Variants in R3HDM1 observed in about 807,000 individuals in gnomAD.
R3HDM1 encodes R3H domain containing 1, also known as R3H domain-containing protein 1.
In R3HDM1, 46 loss-of-function variants were observed where a neutral mutation model predicts 141.1. That is an observed-to-expected ratio of 0.33 (90% CI 0.26 to 0.42). R3HDM1 has a LOEUF of 0.42. Among genes scored for constraint, R3HDM1 ranks in the 10% least tolerant of loss-of-function variants. R3HDM1 has a pLI of 1.00. For synonymous variants in R3HDM1, 435 were observed against 472.9 expected, an observed-to-expected ratio of 0.92 and a Z score of 1.04; for missense variants, 1,184 against 1,368.3, an observed-to-expected ratio of 0.87 and a Z score of 2.12.
intron 1 of R3HDM1, among the ~76,000 whole-genome samples, chr2:135,601,465 A>G (rs1451768808): frequency 6.6e-6 from 1 of 152,122 alleles, no homozygotes; most frequent in African/African-American, 2.4e-5. Flanking sequence ...TGGTGCTTAG[A>G]TCTCATTATA....
Position 135,636,193 on chromosome 2 carries a change from A to T in R3HDM1, c.903+10A>T, listed in dbSNP as rs369236769. ...AATATTTTCCCAAGATGTACGTACT[A>T]ACTTACTTAGGTCTTCATGTTAGAG... On this transcript the variant is annotated intron_variant, in intron 11 of 26. Transcript: ENST00000683871. The T allele has an allele frequency of 5.3e-5, 85 of 1,610,324 alleles. No homozygotes were observed. In the Middle Eastern group the frequency reaches 2.5e-3, roughly 47 times the overall value.
intron 15 of R3HDM1, among the ~76,000 whole-genome samples, chr2:135,644,076 T>G (rs1473952269): frequency 6.6e-6 from 1 of 152,242 alleles, no homozygotes; most frequent in Non-Finnish European, 1.5e-5. Context: ...AGCCTGCACA[T>G]GTGCCCCTGA....
intron 15 of R3HDM1, among the ~76,000 whole-genome samples, chr2:135,642,129 A>G (rs2063851723): frequency 6.6e-6 from 1 of 152,110 alleles, no homozygotes; most frequent in Non-Finnish European, 1.5e-5. Context: ...ATTTTTTTGG[A>G]TGATACAACA....
At chr2:135,644,699 G>C (rs2064190586) in intron 15 of R3HDM1, among the ~76,000 whole-genome samples, 1 of 152,108 alleles carries the variant, frequency 6.6e-6, no homozygotes, top group Non-Finnish European at 1.5e-5. Context: ...ATATCCTGAA[G>C]TCAAGCATTT....
chr2:135,600,424 G>T (rs899460631), intron 1 of R3HDM1, among the ~76,000 whole-genome samples: 1 of 152,172 alleles, frequency 6.6e-6, no homozygotes, highest in Non-Finnish European at 1.5e-5. Flanking sequence ...ATTCTGACCA[G>T]AGAAGACAGC....
chr2:135,645,534 A>G lies in R3HDM1; in HGVS notation c.1623+7A>G. The G allele has an allele frequency of 6.2e-7, 1 of 1,612,752 alleles. No homozygotes were observed. Among genetic ancestry groups the G allele is most frequent in the Non-Finnish European group, 8.5e-7 (1 of 1,179,424 alleles). On this transcript the variant is annotated splice_region_variant and intron_variant, in intron 16 of 26. Coordinates refer to ENST00000683871, the MANE Select transcript of R3HDM1 (RefSeq NM_001378107.1). ...TAATCACATTTTCTCACAGGTGCAC[A>G]TATCCATGATTACATAATGCTAAGT...
chr2:135,558,452 A>G (rs925976475), intron 1 of R3HDM1, among the ~76,000 whole-genome samples: 1 of 152,156 alleles, frequency 6.6e-6, no homozygotes, highest in African/African-American at 2.4e-5. Context: ...TTGTTTTCCC[A>G]TTTGTAAAAT....
At chr2:135,549,576 AAAAAACAAAAAC>A (rs1559102994) in intron 1 of R3HDM1, among the ~76,000 whole-genome samples, 2 of 147,940 alleles carry the variant, frequency 1.4e-5, no homozygotes, top group African/African-American at 5.1e-5. Flanking sequence ...AAAAAAAAAA[AAAAAACAAAAAC>A]AAAATGGGGT....
chr2:135,588,233 TTGTC>T (rs908650586), intron 1 of R3HDM1, among the ~76,000 whole-genome samples: 1 of 151,958 alleles, frequency 6.6e-6, no homozygotes, highest in African/African-American at 2.4e-5. Flanking sequence ...CCCTCTTCCT[TTGTC>T]TGTTTCTCTA....
At chr2:135,654,702 G>A (rs1389477032) in intron 18 of R3HDM1, among the ~76,000 whole-genome samples, 2 of 152,106 alleles carry the variant, frequency 1.3e-5, no homozygotes, top group Non-Finnish European at 2.9e-5. Flanking sequence ...TCCCGCCTCG[G>A]CCTCCCAAAG....
intron 21 of R3HDM1, among the ~76,000 whole-genome samples, chr2:135,708,121 T>C (rs917508024): frequency 6.6e-6 from 1 of 152,214 alleles, no homozygotes; most frequent in Non-Finnish European, 1.5e-5. Flanking sequence ...CAATATTAGT[T>C]TGAAATAAAT....
chr2:135,543,635 T>C (rs1027361763), intron 1 of R3HDM1, among the ~76,000 whole-genome samples: 1 of 152,160 alleles, frequency 6.6e-6, no homozygotes, highest in African/African-American at 2.4e-5. Context: ...ATGATAAACA[T>C]TGCAAGTTTA....
chr2:135,650,581 A>T, intron 17 of R3HDM1: 2 of 980,408 alleles, frequency 2.0e-6, no homozygotes, highest in Non-Finnish European at 2.4e-6. Context: ...GTATACAATT[A>T]TGGTACTTCT....
intron 1 of R3HDM1, among the ~76,000 whole-genome samples, chr2:135,599,542 G>C (rs1458150636): frequency 6.6e-6 from 1 of 152,116 alleles, no homozygotes; most frequent in Non-Finnish European, 1.5e-5. Flanking sequence ...TGTTGTGTTA[G>C]AGACATGATG....
intron 18 of R3HDM1, 131 bp downstream of exon 18, chr2:135,652,163 T>C (rs904599203): frequency 2.4e-5 from 31 of 1,308,402 alleles, no homozygotes; most frequent in Non-Finnish European, 3.1e-5. Context: ...CATATACTCA[T>C]CTTTCCGCCT....
chr2:135,673,681 T>C (rs879187378), intron 19 of R3HDM1, among the ~76,000 whole-genome samples: 1 of 152,226 alleles, frequency 6.6e-6, no homozygotes, highest in African/African-American at 2.4e-5. Context: ...AGTATTCTGT[T>C]TTTACAAAGT....
At chr2:135,675,069 C>G (rs562226841) in intron 19 of R3HDM1, among the ~76,000 whole-genome samples, 1 of 151,880 alleles carries the variant, frequency 6.6e-6, no homozygotes, top group Non-Finnish European at 1.5e-5. Flanking sequence ...AGTAATTGTC[C>G]TATGTTATCT....
chr2:135,572,406 A>G (rs900354689), intron 1 of R3HDM1, among the ~76,000 whole-genome samples: 3 of 152,246 alleles, frequency 2.0e-5, no homozygotes, highest in African/African-American at 7.2e-5. Flanking sequence ...CATAAGGCCA[A>G]TAAGCACATA....
At chr2:135,558,940 A>T in intron 1 of R3HDM1, 1 of 860,168 alleles carries the variant, frequency 1.2e-6, no homozygotes, top group Non-Finnish European at 1.4e-6. Flanking sequence ...GTCAAAATGT[A>T]ATTTAAAAAG....
Sources: allele counts gnomAD v4.1 joint callset (sites outside exome capture counted in the v4.1 genomes callset), GRCh38; gene constraint gnomAD v4.1.1; transcripts MANE v1.5; gene names NCBI Gene and HGNC (gene_info 2026-07-23, HGNC 2026-07-21).